SSBP2: variants seen among roughly 807,000 people sequenced by gnomAD.
SSBP2 encodes the protein single stranded DNA binding protein 2, also known as single-stranded DNA-binding protein 2.
Under a neutral mutation model 61.8 loss-of-function variants are expected in SSBP2, and 17 were observed. The ratio of observed to expected loss-of-function variants is 0.28; its 90% CI spans 0.19 to 0.41. The LOEUF (loss-of-function observed/expected upper bound fraction) is 0.41, where lower values mean the gene tolerates loss of function less well. SSBP2 is among the 10% of genes least tolerant of loss of function. The pLI is 1.00. For synonymous variants in SSBP2, 139 were observed against 141.3 expected (o/e 0.98, Z 0.12); for missense variants, 310 against 458.7 (o/e 0.68, Z 2.96).
chr5:81,575,224 C>T (rs1040909344), intron 4 of SSBP2, among the ~76,000 whole-genome samples: 1 of 152,088 alleles, frequency 6.6e-6, no homozygotes, highest in Admixed American at 6.5e-5. Flanking sequence ...GCTGAGATCA[C>T]GCTACTGCAC....
chr5:81,533,160 TAA>T (rs1317279744), intron 4 of SSBP2, among the ~76,000 whole-genome samples: 1 of 151,914 alleles, frequency 6.6e-6, no homozygotes, highest in Non-Finnish European at 1.5e-5. Flanking sequence ...CAATAAAATT[TAA>T]AAGACAATAT....
At chr5:81,432,945 C>G (rs1250374213) in intron 15 of SSBP2, among the ~76,000 whole-genome samples, 2 of 141,014 alleles carry the variant, frequency 1.4e-5, no homozygotes, top group Non-Finnish European at 3.1e-5. Context: ...GGGGGGTCAG[C>G]CCCCCGCCCA....
chr5:81,646,755 G>A (rs921087628), intron 2 of SSBP2, among the ~76,000 whole-genome samples: 5 of 127,104 alleles, frequency 3.9e-5, no homozygotes, highest in Non-Finnish European at 7.8e-5. Context: ...CAAAGATAAA[G>A]TCCAACTTCC....
At chr5:81,712,759 G>T (rs576765889) in intron 1 of SSBP2, among the ~76,000 whole-genome samples, 1 of 150,420 alleles carries the variant, frequency 6.6e-6, no homozygotes, top group East Asian at 1.9e-4. Context: ...TTGACACAGG[G>T]TCTCACTCTG....
chr5:81,737,615 T>C (rs1756709752), intron 1 of SSBP2, among the ~76,000 whole-genome samples: 1 of 110,980 alleles, frequency 9.0e-6, no homozygotes, highest in Non-Finnish European at 1.8e-5. Context: ...ACCCCGTCTC[T>C]ACTAAAAATA....
chr5:81,674,424 C>T (rs1751808374), intron 1 of SSBP2, among the ~76,000 whole-genome samples: 1 of 152,096 alleles, frequency 6.6e-6, no homozygotes, highest in Admixed American at 6.6e-5. Context: ...AGTTTCCAAG[C>T]CAATTTATAT....
intron 4 of SSBP2, among the ~76,000 whole-genome samples, chr5:81,585,367 T>C (rs1221305020): frequency 6.6e-6 from 1 of 152,138 alleles, no homozygotes; most frequent in Non-Finnish European, 1.5e-5. Flanking sequence ...GCATACTGAA[T>C]TTAAGATAAT....
intron 4 of SSBP2, among the ~76,000 whole-genome samples, chr5:81,577,623 G>A (rs1449837387): frequency 6.6e-6 from 1 of 151,844 alleles, no homozygotes; most frequent in Non-Finnish European, 1.5e-5. Flanking sequence ...GAAAGCAGAA[G>A]CACAAAATTA....
In SSBP2 at chr5:81,467,032, C is replaced by T; in HGVS notation, c.580G>A (p.Gly194Ser). The change falls in exon 9 of 17, where the codon GGT (glycine) becomes AGT (serine). Residue 194 changes from glycine (G) to serine (S), a missense_variant. By Grantham distance (56) the Gly-to-Ser change is moderately conservative (BLOSUM62 0). Transcript: ENST00000320672. ...GCATTCAGTGGGGGTCTCATTGCAC[C>T]TCCATAGTTCTGTAATGATAACCAA... 1 of 1,609,908 alleles carries T rather than the reference C, an allele frequency of 6.2e-7. No individual in the cohort carries two copies. Among genetic ancestry groups the T allele is most frequent in the South Asian group, 1.1e-5 (1 of 90,424 alleles).
At chr5:81,593,351 A>T (rs527495242) in intron 4 of SSBP2, among the ~76,000 whole-genome samples, 10 of 152,358 alleles carry the variant, frequency 6.6e-5, no homozygotes, top group African/African-American at 2.4e-4. Context: ...TGAAAAGACC[A>T]AATCTACGTC....
At chr5:81,511,659 C>A (rs1361683723) in intron 5 of SSBP2, among the ~76,000 whole-genome samples, 1 of 152,156 alleles carries the variant, frequency 6.6e-6, no homozygotes, top group Non-Finnish European at 1.5e-5. Flanking sequence ...TTATCTCCAA[C>A]TCAGGCAGAT....
At chr5:81,676,169 A>C (rs548414072) in intron 1 of SSBP2, among the ~76,000 whole-genome samples, 2 of 152,248 alleles carry the variant, frequency 1.3e-5, no homozygotes, top group African/African-American at 2.4e-5. Context: ...AGTTACGCTC[A>C]ATTTCTTACT....
At chr5:81,497,179 T>C (rs1767353034) in intron 5 of SSBP2, among the ~76,000 whole-genome samples, 1 of 152,226 alleles carries the variant, frequency 6.6e-6, no homozygotes, top group South Asian at 2.1e-4. Context: ...TGACAATATA[T>C]GTAGTCTTTA....
chr5:81,487,134 T>C (rs1233119121), intron 6 of SSBP2, among the ~76,000 whole-genome samples: 2 of 152,196 alleles, frequency 1.3e-5, no homozygotes. Context: ...TGTAATAACA[T>C]GGTTTACCTT....
intron 1 of SSBP2, among the ~76,000 whole-genome samples, chr5:81,651,530 T>C (rs1467319291): frequency 2.6e-5 from 4 of 152,174 alleles, no homozygotes; most frequent in East Asian, 1.9e-4. Context: ...AAGTTACTCA[T>C]AGAAAGTAAG....
chr5:81,541,406 C>G (rs992259862), intron 4 of SSBP2, among the ~76,000 whole-genome samples: 14 of 151,924 alleles, frequency 9.2e-5, no homozygotes, highest in Non-Finnish European at 1.8e-4. Context: ...TTTCACAGAA[C>G]TAGAACAAAC....
chr5:81,737,272 C>T (rs1041038982), intron 1 of SSBP2, among the ~76,000 whole-genome samples: 3 of 149,318 alleles, frequency 2.0e-5, no homozygotes, highest in African/African-American at 7.5e-5. Context: ...ACTATTGCCC[C>T]TCCTTGCAAA....
At chr5:81,472,179 G>C (rs114935438) in intron 8 of SSBP2, among the ~76,000 whole-genome samples, 2 of 152,050 alleles carry the variant, frequency 1.3e-5, no homozygotes, top group African/African-American at 4.8e-5. Context: ...TCTGACCCAC[G>C]AGGTAGAAAT....
At chr5:81,556,562 C>T (rs1024012572) in intron 4 of SSBP2, among the ~76,000 whole-genome samples, 1 of 152,102 alleles carries the variant, frequency 6.6e-6, no homozygotes, top group African/African-American at 2.4e-5. Flanking sequence ...TCTGCTCCTT[C>T]CATACTGTGA....
Sources: allele counts gnomAD v4.1 joint callset (sites outside exome capture counted in the v4.1 genomes callset), GRCh38; gene constraint gnomAD v4.1.1; transcripts MANE v1.5; gene names NCBI Gene and HGNC (gene_info 2026-07-23, HGNC 2026-07-21).